The following TRIM11 variants were observed in gnomAD, a reference collection of about 807,000 sequenced individuals.
TRIM11 encodes the protein E3 ubiquitin-protein ligase TRIM11.
In TRIM11, 15 loss-of-function variants were observed where a neutral mutation model predicts 33.4. The observed-to-expected ratio is 0.45, with a 90% CI of 0.30 to 0.69. The LOEUF is 0.69. TRIM11 is among the 30% of genes least tolerant of loss of function. TRIM11 has a pLI of 0.08. For synonymous variants in TRIM11, 281 were observed against 302.6 expected, an observed-to-expected ratio of 0.93 and a Z score of 0.74; for missense variants, 499 against 667.6, an observed-to-expected ratio of 0.75 and a Z score of 2.78.
chr1:228,403,495 A>G lies in TRIM11; in HGVS notation c.409-1334T>C, dbSNP rs1170209173. The G allele has an allele frequency of 6.6e-6, 1 of 152,324 alleles. No individual in the cohort carries two copies. The highest frequency in any genetic ancestry group is 1.5e-5 in the Non-Finnish European group (1 of 68,108). 9.4% of individuals were successfully genotyped at this position (152,324 alleles called of 1,614,324 possible). ...AGGCTCAGCTCTCACGTGAGCTACA[A>G]GAACCCCAAATGGCGGTCCCTGTCC... On this transcript the variant is annotated intron_variant, in intron 1 of 5. Coordinates refer to ENST00000284551, the MANE Select transcript of TRIM11 (RefSeq NM_145214.3). The surrounding 1 kb of genome is among the most constrained non-coding windows in gnomAD (Gnocchi z 4.8).
At chr1:228,398,723 G>T (rs1323400128) in intron 3 of TRIM11, among the ~76,000 whole-genome samples, 1 of 152,052 alleles carries the variant, frequency 6.6e-6, no homozygotes, top group Non-Finnish European at 1.5e-5. Flanking sequence ...GTGAGGGAGG[G>T]GTGTGCACAG....
intron 3 of TRIM11, among the ~76,000 whole-genome samples, chr1:228,398,329 A>C (rs1212096515): frequency 2.0e-5 from 3 of 152,268 alleles, no homozygotes; most frequent in East Asian, 1.9e-4. Flanking sequence ...GGGGACAACA[A>C]CACACTCTAG....
chr1:228,399,154 C>G (rs505849), intron 3 of TRIM11, among the ~76,000 whole-genome samples: 1 of 152,114 alleles, frequency 6.6e-6, no homozygotes, highest in African/African-American at 2.4e-5. Flanking sequence ...GTGCTGGGAA[C>G]CCGGGTTGGG....
intron 1 of TRIM11, chr1:228,404,864 T>C (rs1393735500): frequency 2.0e-5 from 3 of 152,266 alleles, no homozygotes; most frequent in Non-Finnish European, 4.4e-5. Context: ...TTCTATGAAG[T>C]TCTTGTGCAT....
intron 3 of TRIM11, among the ~76,000 whole-genome samples, chr1:228,399,143 G>A (rs1230311157): frequency 6.6e-6 from 1 of 152,048 alleles, no homozygotes; most frequent in Non-Finnish European, 1.5e-5. Flanking sequence ...ATTCGGCCTG[G>A]GTGCTGGGAA....
intron 5 of TRIM11, chr1:228,396,690 G>A (rs901363270): frequency 1.4e-6 from 1 of 717,598 alleles, no homozygotes; most frequent in African/African-American, 1.7e-5. Context: ...TGTCAGCACT[G>A]GCAATTCTGT....
Position 228,406,093 on chromosome 1 carries a change from C to CCCCGG in TRIM11, c.408+60_408+61insCCGGG. 2.3e-6 allele frequency: 3 copies of CCCCGG among 1,313,794 alleles called. No homozygotes were observed. Among genetic ancestry groups the CCCCGG allele is most frequent in the Non-Finnish European group, 2.9e-6 (3 of 1,027,820 alleles). The allele number at this position is 1,313,794 out of a possible 1,614,324, so 81.4% of individuals were successfully genotyped here. A position where few individuals can be genotyped will look rare whatever the true frequency, so the allele number is the denominator to read the frequency against. ...GCAGTCCCCCAAACCTCCCACCCGC[C>CCCCGG]CAGGCCTCCCCAGTCCCCGGCTCCC... On this transcript the variant is annotated intron_variant, in intron 1 of 5. Coordinates refer to ENST00000284551, the MANE Select transcript of TRIM11 (RefSeq NM_145214.3). This position sits in a 1 kb window ranked among gnomAD's most constrained non-coding sequence, Gnocchi z 8.2.
rs779876575 is a variant in TRIM11, at chr1:228,406,483, C to A, written c.79G>T (p.Val27Leu). ...AICLDYFTDP[V>L]MTDCGHNFCR... is the part of the protein sequence containing the mutation. ...AAGTTGTGGCCGCAGTCGGTCATCA[C>A]CGGATCCGTGAAGTAGTCGAGGCAG... is the stretch of plus-strand genomic sequence containing the variant. Residue 27 changes from valine (V) to leucine (L), a missense_variant, in exon 1 of 6, where the codon GTG becomes TTG. Val to Leu is a conservative substitution (Grantham distance 32). Transcript: ENST00000284551. This position sits in a 1 kb window ranked among gnomAD's most constrained non-coding sequence, Gnocchi z 8.2. 3 of 1,589,848 alleles carry A rather than the reference C, an allele frequency of 1.9e-6. No individual in the cohort carries two copies. Among genetic ancestry groups the A allele is most frequent in the South Asian group, 1.1e-5 (1 of 88,540 alleles).
Position 228,406,055 on chromosome 1 carries a change from G to A in TRIM11, c.408+99C>T, listed in dbSNP as rs1056357518. On this transcript the variant is annotated intron_variant, in intron 1 of 5. Transcript: ENST00000284551. This position sits in a 1 kb window ranked among gnomAD's most constrained non-coding sequence, Gnocchi z 8.2. The stretch of plus-strand genomic sequence containing the variant: ...GAGCTCCCCGCCCTAGACAGAGACA[G>A]ATTACTCCCGGAGCAGTCCCCCAAA... The A allele has an allele frequency of 1.6e-6, 2 of 1,270,504 alleles. No homozygotes were observed. The highest frequency in any genetic ancestry group is 2.0e-6 in the Non-Finnish European group (2 of 993,670). 78.7% of individuals were successfully genotyped at this position (1,270,504 alleles called of 1,614,324 possible). A position where few individuals can be genotyped will look rare whatever the true frequency, so the allele number is the denominator to read the frequency against.
At chr1:228,399,158 G>T (rs927912052) in intron 3 of TRIM11, among the ~76,000 whole-genome samples, 6 of 152,042 alleles carry the variant, frequency 3.9e-5, no homozygotes, top group African/African-American at 1.4e-4. Flanking sequence ...TGGGAACCCG[G>T]GTTGGGTTCC....
intron 5 of TRIM11, chr1:228,396,447 T>G: frequency 1.8e-6 from 1 of 561,730 alleles, no homozygotes; most frequent in Non-Finnish European, 3.2e-6. Flanking sequence ...GCTTTGCCCA[T>G]GTGTCTCTTC....
At position 228,394,805 on chromosome 1, in the gene TRIM11, C is replaced by T; in HGVS notation, c.1307G>A (p.Gly436Glu). 1 of 1,614,088 alleles carries T rather than the reference C, an allele frequency of 6.2e-7. No homozygotes were observed. The highest frequency in any genetic ancestry group is 8.5e-7 in the Non-Finnish European group (1 of 1,180,004). The change falls in exon 6 of 6, where the codon GGG (glycine) becomes GAG (glutamate). Residue 436 changes from glycine (G) to glutamate (E), a missense_variant. Transcript: ENST00000284551. The surrounding 1 kb of genome is among the most constrained non-coding windows in gnomAD (Gnocchi z 6.2). ...GGGTGAGAAGAGGGGCCGCAGCGTC[C>T]CCGAGAAGGGGATCTCGGGAAAGAT... ...LFIFPEIPFS[G>E]TLRPLFSPLS...
rs1459222489 is a variant in TRIM11, at chr1:228,406,572, G to C, written c.-11C>G. 1.3e-6 allele frequency: 2 copies of C among 1,503,966 alleles called. No homozygotes were observed. Among genetic ancestry groups the C allele is most frequent in the Non-Finnish European group, 1.8e-6 (2 of 1,122,746 alleles). 93.2% of individuals were successfully genotyped at this position (1,503,966 alleles called of 1,614,324 possible). Reference sequence around the variant, plus strand: ...GTCGGGGGCGGCCATGGCGCGGACAGAGGGGAGGAAGGCGGTACTGTCCGC... The same window carrying C: ...GTCGGGGGCGGCCATGGCGCGGACACAGGGGAGGAAGGCGGTACTGTCCGC... On this transcript the variant is annotated 5_prime_UTR_variant, in exon 1 of 6. Coordinates refer to ENST00000284551, the MANE Select transcript of TRIM11 (RefSeq NM_145214.3). The surrounding 1 kb of genome is among the most constrained non-coding windows in gnomAD (Gnocchi z 8.2).
rs936494388 is a variant in TRIM11, at chr1:228,400,827, C to T, written c.735+137G>A. ...CAGCATTTCACAGGCAACAGCCAGG[C>T]ACATCCAGCCATGCCATTCACCTCT... On this transcript the variant is annotated intron_variant, in intron 3 of 5. Transcript: ENST00000284551. This position sits in a 1 kb window ranked among gnomAD's most constrained non-coding sequence, Gnocchi z 4.5. 42 of 1,408,540 alleles carry T rather than the reference C, an allele frequency of 3.0e-5. No individual in the cohort carries two copies. In the African/African-American group the frequency reaches 5.1e-4, roughly 17 times the overall value. The allele number at this position is 1,408,540 out of a possible 1,614,324, so 87.3% of individuals were successfully genotyped here. A position where few individuals can be genotyped will look rare whatever the true frequency, so the allele number is the denominator to read the frequency against.
chr1:228,394,728 C>T lies in TRIM11; in HGVS notation c.1384G>A (p.Gly462Arg), dbSNP rs762297650. Reference protein sequence around the residue: ...MTICRPKGGSGDTLAPQ With the variant: ...MTICRPKGGSRDTLAPQ ...AGTCACTGGGGAGCCAGGGTGTCCC[C>T]GGACCCACCTTTCGGCCGGCAGATA... Residue 462 changes from glycine to arginine, a missense_variant, in exon 6 of 6, where the codon GGG becomes AGG. Gly to Arg is a moderately radical substitution (Grantham distance 125). Transcript: ENST00000284551. This position sits in a 1 kb window ranked among gnomAD's most constrained non-coding sequence, Gnocchi z 6.2. 11 of 1,607,902 alleles carry T rather than the reference C, an allele frequency of 6.8e-6. No homozygotes were observed. Among genetic ancestry groups the T allele is most frequent in the East Asian group, 2.2e-5 (1 of 44,690 alleles).
chr1:228,406,000 C>G (rs1656398382), intron 1 of TRIM11, 154 bp downstream of exon 1: 2 of 862,300 alleles, frequency 2.3e-6, no homozygotes, highest in South Asian at 3.4e-5. Context: ...CGCGACACCC[C>G]CCTCACAGGC....
rs1656164936 is a variant in TRIM11, at chr1:228,400,619, C to T, written c.735+345G>A. On this transcript the variant is annotated intron_variant, in intron 3 of 5. Transcript: ENST00000284551. The surrounding 1 kb of genome is among the most constrained non-coding windows in gnomAD (Gnocchi z 4.5). ...AATCCTATGGGAGGCCCAAGGTGGT[C>T]CCAGCGAGCACATGCCCACTCTGCT... 6.6e-6 allele frequency among the ~76,000 whole-genome samples: 1 copy of T among 152,172 alleles called. No individual in the cohort carries two copies. The highest frequency in any genetic ancestry group is 2.1e-4 in the South Asian group (1 of 4,834).
Position 228,403,151 on chromosome 1 carries a change from T to C in TRIM11, c.409-990A>G, listed in dbSNP as rs899883848. 2.6e-5 allele frequency: 4 copies of C among 152,404 alleles called. No homozygotes were observed. Among genetic ancestry groups the C allele is most frequent in the African/African-American group, 4.8e-5 (2 of 41,566 alleles). 9.4% of individuals were successfully genotyped at this position (152,404 alleles called of 1,614,324 possible). ...CACAAGCTCACTGTACTGTGTGTGCTTGGGGTGCCCTGAACCCACTTCTCG... is the reference window on the plus strand; with the variant it reads ...CACAAGCTCACTGTACTGTGTGTGCCTGGGGTGCCCTGAACCCACTTCTCG... On this transcript the variant is annotated intron_variant, in intron 1 of 5. Coordinates refer to ENST00000284551, the MANE Select transcript of TRIM11 (RefSeq NM_145214.3). The surrounding 1 kb of genome is among the most constrained non-coding windows in gnomAD (Gnocchi z 4.8).
At position 228,406,826 on chromosome 1, in the gene TRIM11, G is replaced by A. The variant is rs1235950054; in HGVS notation, c.-265C>T. 1 of 279,886 alleles carries A rather than the reference G, an allele frequency of 3.6e-6. No homozygotes were observed. The highest frequency in any genetic ancestry group is 6.5e-6 in the Non-Finnish European group (1 of 152,674). The allele number at this position is 279,886 out of a possible 1,614,324, so 17.3% of individuals were successfully genotyped here. On this transcript the variant is annotated 5_prime_UTR_variant, in exon 1 of 6. Coordinates refer to ENST00000284551, the MANE Select transcript of TRIM11 (RefSeq NM_145214.3). This position sits in a 1 kb window ranked among gnomAD's most constrained non-coding sequence, Gnocchi z 8.2. ...GGATCCCGGATGCCGGCAGGAAGAG[G>A]AGCCGAGGCGGAAGCAGGAAGCGAC... is the stretch of plus-strand genomic sequence containing the variant.
Sources: allele counts gnomAD v4.1 joint callset (sites outside exome capture counted in the v4.1 genomes callset), GRCh38; gene constraint gnomAD v4.1.1; non-coding constraint Gnocchi (gnomAD v3.1); transcripts MANE v1.5; gene names NCBI Gene and HGNC (gene_info 2026-07-23, HGNC 2026-07-21).